FAR1: variants seen among roughly 807,000 people sequenced by gnomAD.
The protein encoded by FAR1 is fatty acyl-CoA reductase 1.
FAR1 carries 22 observed loss-of-function variants against 61.1 expected under a neutral mutation model. The observed-to-expected ratio is 0.36, with a 90% confidence interval of 0.26 to 0.51. FAR1 has a LOEUF of 0.51. FAR1 is among the 20% of genes least tolerant of loss of function. FAR1 has a pLI of 0.95. For missense variants in FAR1, 359 were observed against 626.9 expected (o/e 0.57, Z 4.56); for synonymous variants, 206 against 209.7 (o/e 0.98, Z 0.15).
At chr11:13,701,262 A>T (rs1246543724) in intron 3 of FAR1, among the ~76,000 whole-genome samples, 1 of 152,024 alleles carries the variant, frequency 6.6e-6, no homozygotes, top group Non-Finnish European at 1.5e-5. Context: ...TTAAAGATAA[A>T]TAACTAAAAG....
chr11:13,708,447 G>GCGCACACGCA (rs139902063), intron 4 of FAR1, among the ~76,000 whole-genome samples: 14 of 136,700 alleles, frequency 1.0e-4, no homozygotes, highest in Non-Finnish European at 1.6e-4. Context: ...GCGCGCGCGC[G>GCGCACACGCA]CACACACACA....
At chr11:13,697,357 G>A (rs1007970766) in intron 2 of FAR1, among the ~76,000 whole-genome samples, 1 of 152,112 alleles carries the variant, frequency 6.6e-6, no homozygotes, top group Non-Finnish European at 1.5e-5. Flanking sequence ...AGCTACTCGG[G>A]AGGCTGAGGT....
intron 2 of FAR1, among the ~76,000 whole-genome samples, chr11:13,697,497 AAGTAAATTC>A (rs1848321356): frequency 6.6e-6 from 1 of 152,068 alleles, no homozygotes; most frequent in Non-Finnish European, 1.5e-5. Context: ...GTTGATCATG[AAGTAAATTC>A]AGGAAAGAAT....
chr11:13,707,370 G>A (rs375534802), intron 3 of FAR1, among the ~76,000 whole-genome samples: 4 of 152,142 alleles, frequency 2.6e-5, no homozygotes, highest in African/African-American at 9.6e-5. Context: ...AAAAGTGTTT[G>A]GATTGATTGC....
chr11:13,701,579 A>G (rs1848375788), intron 3 of FAR1, among the ~76,000 whole-genome samples: 1 of 152,110 alleles, frequency 6.6e-6, no homozygotes, highest in South Asian at 2.1e-4. Flanking sequence ...TCTGATTACA[A>G]AAGGTTTGAT....
chr11:13,729,509 C>CTGTT lies in FAR1; in HGVS notation c.*736_*739dup, dbSNP rs1317788353. On this transcript the variant is annotated 3_prime_UTR_variant, in exon 12 of 12. Coordinates refer to ENST00000354817, the MANE Select transcript of FAR1 (RefSeq NM_032228.6). ...GAAAGTGAAAACAAATTCCGTAAAA[C>CTGTT]TGTTAGTATCAAAAAGAATAGGAAT... is the stretch of plus-strand genomic sequence containing the variant. The CTGTT allele has an allele frequency of 3.9e-5, 6 of 151,978 alleles. No individual in the cohort carries two copies. In the East Asian group the frequency reaches 5.8e-4, roughly 15 times the overall value. The allele number at this position is 151,978 out of a possible 1,614,324, so 9.4% of individuals were successfully genotyped here. A position where few individuals can be genotyped will look rare whatever the true frequency, so the allele number is the denominator to read the frequency against.
chr11:13,722,213 T>C (rs1217592599), intron 10 of FAR1, among the ~76,000 whole-genome samples: 1 of 152,158 alleles, frequency 6.6e-6, no homozygotes, highest in Non-Finnish European at 1.5e-5. Flanking sequence ...GAAATTGTTT[T>C]TTATAAACTC....
At chr11:13,688,765 A>C (rs894585571) in intron 1 of FAR1, among the ~76,000 whole-genome samples, 1 of 152,204 alleles carries the variant, frequency 6.6e-6, no homozygotes, top group Admixed American at 6.5e-5. Context: ...GTTAGGAAGT[A>C]TATTGATGCA....
intron 3 of FAR1, among the ~76,000 whole-genome samples, chr11:13,704,404 G>T (rs1202032507): frequency 6.6e-6 from 1 of 152,160 alleles, no homozygotes; most frequent in Admixed American, 6.5e-5. Flanking sequence ...GCTTAGAAAA[G>T]ATCAAGAAAC....
At chr11:13,674,919 T>C (rs1464827791) in intron 1 of FAR1, among the ~76,000 whole-genome samples, 1 of 152,224 alleles carries the variant, frequency 6.6e-6, no homozygotes, top group Non-Finnish European at 1.5e-5. Flanking sequence ...GGCAAGCTTC[T>C]AAACTTTGTA....
chr11:13,728,601 T>C lies in FAR1; in HGVS notation c.1386-11T>C. ...AATACTGTCTAACATATCTCTTGAT[T>C]TGCTTTCCAGGTTGCGGAATATACG... On this transcript the variant is annotated splice_polypyrimidine_tract_variant and intron_variant, in intron 11 of 11. Coordinates refer to ENST00000354817, the MANE Select transcript of FAR1 (RefSeq NM_032228.6). The C allele has an allele frequency of 6.2e-7, 1 of 1,607,646 alleles. No individual in the cohort carries two copies. Among genetic ancestry groups the C allele is most frequent in the Non-Finnish European group, 8.5e-7 (1 of 1,175,156 alleles).
chr11:13,719,975 G>C (rs1455314154), intron 9 of FAR1: 1 of 152,146 alleles, frequency 6.6e-6, no homozygotes, highest in African/African-American at 2.4e-5. Flanking sequence ...CTGTTCTAAG[G>C]TATGTTTAAC....
chr11:13,718,258 C>G (rs1304334579), intron 9 of FAR1, among the ~76,000 whole-genome samples: 2 of 152,218 alleles, frequency 1.3e-5, no homozygotes, highest in African/African-American at 4.8e-5. Context: ...GAAACTGTTT[C>G]TTAAAGAATT....
intron 5 of FAR1, 122 bp from the exon 6 acceptor site, chr11:13,711,642 T>A: frequency 1.3e-6 from 1 of 744,880 alleles, no homozygotes; most frequent in East Asian, 2.5e-5. Flanking sequence ...GAATCTAGTC[T>A]GTTTTTTAGT....
At chr11:13,709,199 GCA>G (rs1405607502) in intron 4 of FAR1, among the ~76,000 whole-genome samples, 3 of 151,900 alleles carry the variant, frequency 2.0e-5, no homozygotes, top group Non-Finnish European at 2.9e-5. Flanking sequence ...CCTAAAATAA[GCA>G]CAGTCTTTTC....
At chr11:13,679,051 A>G (rs1026174785) in intron 1 of FAR1, among the ~76,000 whole-genome samples, 9 of 152,130 alleles carry the variant, frequency 5.9e-5, no homozygotes, top group African/African-American at 2.2e-4. Flanking sequence ...GTTTTACTTC[A>G]GTAATTTGAA....
Position 13,721,528 on chromosome 11 carries a change from G to T in FAR1, c.1128-202G>T. ...TTGCTGCTGCTTTCAAAAAAAATTT[G>T]TTTTCCTTTTGGATTTATAAATTGT... On this transcript the variant is annotated intron_variant, in intron 9 of 11. Coordinates refer to ENST00000354817, the MANE Select transcript of FAR1 (RefSeq NM_032228.6). This position sits in a 1 kb window ranked among gnomAD's most constrained non-coding sequence, Gnocchi z 4.2. The T allele has an allele frequency of 2.2e-6, 1 of 453,596 alleles. No individual in the cohort carries two copies. The highest frequency in any genetic ancestry group is 3.8e-6 in the Non-Finnish European group (1 of 260,996). The allele number at this position is 453,596 out of a possible 1,614,324, so 28.1% of individuals were successfully genotyped here.
At chr11:13,704,805 A>G (rs1238173614) in intron 3 of FAR1, among the ~76,000 whole-genome samples, 1 of 152,198 alleles carries the variant, frequency 6.6e-6, no homozygotes, top group African/African-American at 2.4e-5. Flanking sequence ...TAGGGTGGAA[A>G]AGAGACTTGT....
intron 1 of FAR1, among the ~76,000 whole-genome samples, chr11:13,670,473 G>A (rs1847988329): frequency 6.6e-6 from 1 of 152,030 alleles, no homozygotes; most frequent in South Asian, 2.1e-4. Context: ...TGTATTTTTA[G>A]TAGAGGCGGG....
Sources: gnomAD v4.1 joint callset for allele counts (sites outside exome capture counted in the v4.1 genomes callset) on GRCh38, gnomAD v4.1.1 for gene constraint, Gnocchi (gnomAD v3.1) non-coding constraint, MANE v1.5 for transcripts, NCBI Gene and HGNC (gene_info 2026-07-23, HGNC 2026-07-21) for gene names.